Variants in TIPIN observed in about 807,000 individuals in gnomAD.
TIPIN encodes TIMELESS-interacting protein.
In TIPIN, 29 loss-of-function variants were observed where a neutral mutation model predicts 35.6. The observed-to-expected ratio is 0.82, with a 90% CI of 0.61 to 1.11. The LOEUF (loss-of-function observed/expected upper bound fraction) is 1.11. Among genes scored for constraint, TIPIN ranks in the 50% most tolerant of loss-of-function variants. The probability of loss-of-function intolerance (pLI) is 0.00; values close to 1 mark genes in which losing one functional copy is unlikely to be tolerated. For synonymous variants in TIPIN, 102 were observed against 121.5 expected (o/e 0.84, Z 1.06); for missense variants, 296 against 345.4 (o/e 0.86, Z 1.13).
At chr15:66,353,807 T>G (rs996330720) in intron 1 of TIPIN, among the ~76,000 whole-genome samples, 1 of 150,956 alleles carries the variant, frequency 6.6e-6, no homozygotes, top group Non-Finnish European at 1.5e-5. Flanking sequence ...CAATAACAAC[T>G]GACACTTTTG....
At chr15:66,340,357 T>C (rs746893694) in intron 7 of TIPIN, among the ~76,000 whole-genome samples, 3 of 151,476 alleles carry the variant, frequency 2.0e-5, no homozygotes, top group Non-Finnish European at 4.4e-5. Context: ...TTTGTATTTT[T>C]AGTAGAGGTG....
intron 1 of TIPIN, chr15:66,382,368 A>G (rs1412948941): frequency 2.0e-6 from 2 of 985,086 alleles, no homozygotes; most frequent in South Asian, 9.4e-5. Context: ...AGTTAAATGT[A>G]CTCCTCAATT....
chr15:66,367,541 C>T (rs1038694225), intron 1 of TIPIN, among the ~76,000 whole-genome samples: 1 of 151,446 alleles, frequency 6.6e-6, no homozygotes, highest in Non-Finnish European at 1.5e-5. Context: ...ACTACAGGCA[C>T]CCACCACCAC....
chr15:66,338,896 G>C (rs1394327073), intron 7 of TIPIN, among the ~76,000 whole-genome samples: 1 of 150,340 alleles, frequency 6.7e-6, no homozygotes, highest in African/African-American at 2.4e-5. Flanking sequence ...ACTTTGGGAG[G>C]CTGAGGCAGG....
At chr15:66,382,359 G>A in intron 1 of TIPIN, 1 of 985,272 alleles carries the variant, frequency 1.0e-6, no homozygotes, top group Non-Finnish European at 1.2e-6. Context: ...AGAGGTCTGA[G>A]TTAAATGTAC....
chr15:66,379,506 G>A, intron 1 of TIPIN: 1 of 1,609,822 alleles, frequency 6.2e-7, no homozygotes, highest in Non-Finnish European at 8.5e-7. Flanking sequence ...CTGGGCTTGA[G>A]ATACTGAACA....
At chr15:66,359,078 G>A (rs1322072385), upstream of TIPIN, among the ~76,000 whole-genome samples, 1 of 150,250 alleles carries the variant, frequency 6.7e-6, no homozygotes, top group Non-Finnish European at 1.5e-5. Flanking sequence ...ACTGGGTCCC[G>A]GATGTCGAGG....
chr15:66,371,360 T>C (rs2140490473), intron 1 of TIPIN: 1 of 985,066 alleles, frequency 1.0e-6, no homozygotes, highest in African/African-American at 1.7e-5. Context: ...TCAGAAGACG[T>C]AAGTGTTTTA....
upstream of TIPIN, chr15:66,356,710 G>T: frequency 1.0e-6 from 1 of 985,462 alleles, no homozygotes; most frequent in African/African-American, 1.7e-5. Context: ...CGATACTCGG[G>T]AACTCCTGGG....
At chr15:66,361,087 T>C (rs12593773), upstream of TIPIN, among the ~76,000 whole-genome samples, 149,336 of 151,044 alleles carry the variant, frequency 0.99, 73,848 homozygotes, top group Middle Eastern at 1. Flanking sequence ...GAGCAAAGAT[T>C]GTGCCACTGC....
At chr15:66,365,583 G>T (rs1307605014) in intron 1 of TIPIN, among the ~76,000 whole-genome samples, 1 of 152,152 alleles carries the variant, frequency 6.6e-6, no homozygotes, top group Non-Finnish European at 1.5e-5. Flanking sequence ...GTTTAGCTCT[G>T]TCGCCCAGGT....
intron 6 of TIPIN, among the ~76,000 whole-genome samples, chr15:66,345,407 C>CTT (rs1342788992): frequency 1.3e-5 from 2 of 152,030 alleles, no homozygotes; most frequent in Admixed American, 1.3e-4. Flanking sequence ...GATCCTGTCA[C>CTT]TACAAAAACT....
intron 6 of TIPIN, among the ~76,000 whole-genome samples, chr15:66,343,331 C>T (rs4776779): frequency 0.11 from 16,065 of 152,154 alleles, 1,077 homozygotes; most frequent in Non-Finnish European, 0.15. Context: ...TCACATCTGA[C>T]AAGTTGGTCA....
At chr15:66,381,508 A>G (rs1278919165) in intron 1 of TIPIN, among the ~76,000 whole-genome samples, 2 of 151,978 alleles carry the variant, frequency 1.3e-5, no homozygotes, top group African/African-American at 4.8e-5. Flanking sequence ...ATTAATTCCT[A>G]CTGTTTGAAA....
chr15:66,383,633 T>C, intron 1 of TIPIN: 1 of 964,698 alleles, frequency 1.0e-6, no homozygotes, highest in South Asian at 4.8e-5. Context: ...TTAACATGAA[T>C]AAGGACACAC....
upstream of TIPIN, among the ~76,000 whole-genome samples, chr15:66,357,860 G>A (rs1283055764): frequency 6.6e-6 from 1 of 152,054 alleles, no homozygotes; most frequent in Non-Finnish European, 1.5e-5. Context: ...GGAGGCTGAG[G>A]CAGGAGTATC....
chr15:66,383,087 G>T, intron 1 of TIPIN: 1 of 624,434 alleles, frequency 1.6e-6, no homozygotes, highest in Non-Finnish European at 2.0e-6. Flanking sequence ...AGCATGCATA[G>T]AATCATAATA....
intron 1 of TIPIN, among the ~76,000 whole-genome samples, chr15:66,371,853 G>C (rs1220896784): frequency 6.6e-6 from 1 of 151,882 alleles, no homozygotes; most frequent in Non-Finnish European, 1.5e-5. Flanking sequence ...GGGGTGCCAT[G>C]GCATGCTCAT....
chr15:66,365,500 T>C (rs1215784975), intron 1 of TIPIN, among the ~76,000 whole-genome samples: 1 of 152,190 alleles, frequency 6.6e-6, no homozygotes, highest in African/African-American at 2.4e-5. Flanking sequence ...TAAATAACCA[T>C]AAATATACTC....
Sources: gnomAD v4.1 joint callset for allele counts (sites outside exome capture counted in the v4.1 genomes callset) on GRCh38, gnomAD v4.1.1 for gene constraint, MANE v1.5 for transcripts, NCBI Gene and HGNC (gene_info 2026-07-23, HGNC 2026-07-21) for gene names.